Variants in CDH13 observed in about 807,000 individuals in gnomAD.
CDH13 encodes the protein cadherin-13.
In CDH13, 24 loss-of-function variants were observed where a neutral mutation model predicts 63.8. That is an observed-to-expected ratio of 0.38 (90% CI 0.27 to 0.53). The LOEUF (loss-of-function observed/expected upper bound fraction) is 0.53, where lower values mean the gene tolerates loss of function less well. CDH13 is among the 20% of genes least tolerant of loss of function. The pLI is 0.85. For missense variants in CDH13, 1,049 were observed against 903.1 expected, an observed-to-expected ratio of 1.16 and a Z score of -2.07; for synonymous variants, 503 against 355.3, an observed-to-expected ratio of 1.42 and a Z score of -4.67.
chr16:83,787,393 T>C (rs961051838), intron 13 of CDH13, among the ~76,000 whole-genome samples: 1 of 152,184 alleles, frequency 6.6e-6, no homozygotes, highest in African/African-American at 2.4e-5. Context: ...AAACACGGAC[T>C]TGAGGTTAGA....
intron 8 of CDH13, 55 bp from the exon 9 acceptor site, chr16:83,670,735 G>T (rs1348835592): frequency 1.3e-6 from 2 of 1,505,162 alleles, no homozygotes; most frequent in Non-Finnish European, 1.8e-6. Context: ...AAAGCATGTA[G>T]TAAATGACTA....
At chr16:82,876,394 C>T (rs11864015) in intron 2 of CDH13, among the ~76,000 whole-genome samples, 6,318 of 152,216 alleles carry the variant, frequency 0.042, 165 homozygotes, top group Middle Eastern at 0.14. Flanking sequence ...TGCCTGTATA[C>T]GACATTGAAA....
At chr16:83,263,616 G>A (rs1405586847) in intron 5 of CDH13, among the ~76,000 whole-genome samples, 1 of 152,160 alleles carries the variant, frequency 6.6e-6, no homozygotes, top group Non-Finnish European at 1.5e-5. Flanking sequence ...TTCGTGATGT[G>A]GTTTGGCCAA....
At chr16:83,668,669 G>A (rs952013447) in intron 8 of CDH13, among the ~76,000 whole-genome samples, 1 of 152,228 alleles carries the variant, frequency 6.6e-6, no homozygotes, top group Non-Finnish European at 1.5e-5. Flanking sequence ...TCTAAGGTGG[G>A]CAGGAGTGGC....
chr16:83,343,469 A>G (rs1198229047), intron 5 of CDH13, among the ~76,000 whole-genome samples: 1 of 152,254 alleles, frequency 6.6e-6, no homozygotes, highest in African/African-American at 2.4e-5. Context: ...GTGCAAACTT[A>G]TATAGGATCA....
At chr16:82,724,432 A>G (rs1449768144) in intron 1 of CDH13, among the ~76,000 whole-genome samples, 1 of 152,218 alleles carries the variant, frequency 6.6e-6, no homozygotes, top group African/African-American at 2.4e-5. Context: ...GGCAGGTGCC[A>G]TGATTATCAC....
intron 3 of CDH13, among the ~76,000 whole-genome samples, chr16:83,125,179 G>A (rs1406505260): frequency 6.6e-6 from 1 of 152,172 alleles, no homozygotes; most frequent in Admixed American, 6.5e-5. Flanking sequence ...TGTTCAAATA[G>A]CTTAATGATA....
At chr16:82,877,922 T>G (rs375445236) in intron 2 of CDH13, among the ~76,000 whole-genome samples, 8 of 43,016 alleles carry the variant, frequency 1.9e-4, no homozygotes, top group African/African-American at 4.5e-4. Flanking sequence ...TACATACACA[T>G]AGACACACAC....
chr16:82,889,431 G>A (rs2041004424), intron 2 of CDH13, among the ~76,000 whole-genome samples: 1 of 152,096 alleles, frequency 6.6e-6, no homozygotes, highest in African/African-American at 2.4e-5. Flanking sequence ...TCGGGTTGAT[G>A]GAAGAAAAAA....
At chr16:83,433,443 A>AT (rs2072189646) in intron 6 of CDH13, among the ~76,000 whole-genome samples, 1 of 152,214 alleles carries the variant, frequency 6.6e-6, no homozygotes, top group Non-Finnish European at 1.5e-5. Flanking sequence ...CATTACTGGG[A>AT]AAATGCATGA....
chr16:83,041,132 G>C (rs1359066967), intron 3 of CDH13, among the ~76,000 whole-genome samples: 1 of 152,126 alleles, frequency 6.6e-6, no homozygotes, highest in Admixed American at 6.6e-5. Flanking sequence ...TTCTTAACTG[G>C]AAGTCAATAC....
At chr16:83,149,914 G>A (rs1049292222) in intron 4 of CDH13, among the ~76,000 whole-genome samples, 1 of 152,044 alleles carries the variant, frequency 6.6e-6, no homozygotes, top group Non-Finnish European at 1.5e-5. Flanking sequence ...CCAGAGAATT[G>A]GCTATTAAAC....
chr16:82,939,051 A>G (rs956852847), intron 2 of CDH13, among the ~76,000 whole-genome samples: 8 of 152,296 alleles, frequency 5.3e-5, no homozygotes, highest in African/African-American at 1.7e-4. Context: ...TCTGGAGCAC[A>G]GTGAAGTGGG....
chr16:83,758,313 AT>A (rs1913681227), intron 11 of CDH13, among the ~76,000 whole-genome samples: 1 of 152,172 alleles, frequency 6.6e-6, no homozygotes, highest in South Asian at 2.1e-4. Context: ...ATGAGCATAA[AT>A]TTTTAAATTC....
intron 4 of CDH13, among the ~76,000 whole-genome samples, chr16:83,178,943 G>C (rs767876114): frequency 1.3e-5 from 2 of 152,182 alleles, no homozygotes; most frequent in Non-Finnish European, 2.9e-5. Flanking sequence ...TCCTGGAACA[G>C]TGTGTTTGTG....
intron 8 of CDH13, among the ~76,000 whole-genome samples, chr16:83,630,492 G>C (rs1396217428): frequency 6.6e-6 from 1 of 152,174 alleles, no homozygotes; most frequent in East Asian, 1.9e-4. Flanking sequence ...CGATCAGGGA[G>C]CTTACAGGTC....
intron 13 of CDH13, among the ~76,000 whole-genome samples, chr16:83,788,480 TTA>T (rs772984173): frequency 2.0e-5 from 2 of 101,614 alleles, no homozygotes; most frequent in Non-Finnish European, 4.5e-5. Flanking sequence ...TTTTTTTAGA[TTA>T]AAAAAAAAAG....
intron 10 of CDH13, among the ~76,000 whole-genome samples, chr16:83,701,994 ATACC>A (rs1906308732): frequency 6.6e-6 from 1 of 152,198 alleles, no homozygotes; most frequent in Non-Finnish European, 1.5e-5. Context: ...AAGGGAGATA[ATACC>A]TAGAGGATTA....
intron 4 of CDH13, among the ~76,000 whole-genome samples, chr16:83,178,206 A>G (rs117205992): frequency 1.1e-4 from 16 of 152,280 alleles, no homozygotes; most frequent in Non-Finnish European, 1.8e-4. Context: ...GCAGATAATT[A>G]TGTTGTGGGA....
Sources: gnomAD v4.1 joint callset for allele counts (sites outside exome capture counted in the v4.1 genomes callset) on GRCh38, gnomAD v4.1.1 for gene constraint, MANE v1.5 for transcripts, NCBI Gene and HGNC (gene_info 2026-07-23, HGNC 2026-07-21) for gene names.